The following TNIP1 variants were observed in gnomAD, a reference collection of about 807,000 sequenced individuals.
TNIP1 encodes the protein TNFAIP3-interacting protein 1.
In TNIP1, 22 loss-of-function variants were observed where a neutral mutation model predicts 86.6. The observed-to-expected ratio is 0.25, with a 90% CI of 0.18 to 0.36. TNIP1 has a LOEUF of 0.36. Ranked by LOEUF, TNIP1 falls within the 10% of genes least tolerant of loss-of-function variation. The pLI, the probability that TNIP1 is intolerant of heterozygous loss-of-function variation, is 1.00. For synonymous variants in TNIP1, 294 were observed against 313.0 expected, an observed-to-expected ratio of 0.94 and a Z score of 0.64; for missense variants, 709 against 820.6, an observed-to-expected ratio of 0.86 and a Z score of 1.66.
upstream of TNIP1, chr5:151,087,511 GTGGGGGA>G (rs1764319559): frequency 6.6e-6 from 1 of 152,280 alleles, no homozygotes; most frequent in South Asian, 2.1e-4. Context: ...TTCGCCTAAG[GTGGGGGA>G]TTCCAGTGCT....
intron 11 of TNIP1, among the ~76,000 whole-genome samples, chr5:151,040,018 C>T (rs1758218860): frequency 1.3e-5 from 2 of 152,182 alleles, no homozygotes; most frequent in Non-Finnish European, 2.9e-5. Flanking sequence ...GGGGAAGTGA[C>T]GTACCCAAGG....
intron 1 of TNIP1, among the ~76,000 whole-genome samples, chr5:151,073,582 T>TTTGTGTGTGTGTGTG (rs1554080257): frequency 2.7e-5 from 4 of 150,200 alleles, no homozygotes; most frequent in African/African-American, 9.9e-5. Flanking sequence ...CAAAAACACA[T>TTTGTGTGTGTGTGTG]TGTGTGTGTG....
intron 6 of TNIP1, among the ~76,000 whole-genome samples, chr5:151,053,628 C>A (rs536840569): frequency 6.6e-6 from 1 of 152,332 alleles, no homozygotes; most frequent in Non-Finnish European, 1.5e-5. Context: ...TGCTAGCATA[C>A]AGTGTCAGCA....
At chr5:151,042,803 G>C in intron 10 of TNIP1, 93 bp downstream of exon 10, 2 of 1,600,012 alleles carry the variant, frequency 1.2e-6, no homozygotes, top group Non-Finnish European at 1.7e-6. Flanking sequence ...CTGGGGCTCA[G>C]CGTGGCCACT....
intron 1 of TNIP1, chr5:151,078,369 C>T (rs753159657): frequency 6.6e-6 from 1 of 152,182 alleles, no homozygotes; most frequent in Non-Finnish European, 1.5e-5. Flanking sequence ...GAAGAGCCAT[C>T]CACCAGGCAC....
intron 1 of TNIP1, among the ~76,000 whole-genome samples, chr5:151,076,963 TG>T (rs1763466725): frequency 6.6e-6 from 1 of 152,228 alleles, no homozygotes; most frequent in African/African-American, 2.4e-5. Flanking sequence ...GGACACAGCA[TG>T]GACCACAAGT....
intron 13 of TNIP1, 152 bp downstream of exon 13, chr5:151,036,638 G>A (rs1357134794): frequency 1.7e-6 from 2 of 1,156,200 alleles, no homozygotes; most frequent in Non-Finnish European, 2.4e-6. Context: ...TGCTGGAAAG[G>A]ATAAACCTAG....
intron 7 of TNIP1, among the ~76,000 whole-genome samples, chr5:151,050,604 G>T (rs893819196): frequency 5.9e-5 from 9 of 152,158 alleles, no homozygotes; most frequent in African/African-American, 1.9e-4. Flanking sequence ...CATAAAATTA[G>T]TGATGTGGAT....
At chr5:151,079,594 C>T (rs1319417657) in intron 1 of TNIP1, among the ~76,000 whole-genome samples, 1 of 149,784 alleles carries the variant, frequency 6.7e-6, no homozygotes, top group Non-Finnish European at 1.5e-5. Flanking sequence ...TGCACTCCAG[C>T]CTGGGTAACA....
intron 1 of TNIP1, among the ~76,000 whole-genome samples, chr5:151,068,842 CACAAACT>C (rs1428613447): frequency 2.0e-5 from 3 of 152,238 alleles, no homozygotes; most frequent in Non-Finnish European, 4.4e-5. Context: ...GGCCTGGTTC[CACAAACT>C]ACAAATCAGC....
At chr5:151,041,452 C>T (rs1048065089) in intron 11 of TNIP1, among the ~76,000 whole-genome samples, 9 of 152,214 alleles carry the variant, frequency 5.9e-5, no homozygotes, top group African/African-American at 1.7e-4. Context: ...CTCACTGAAG[C>T]TTCCAACTCC....
chr5:151,032,495 A>G lies in TNIP1; in HGVS notation c.1780-112T>C, dbSNP rs113454093. 73 of 1,107,520 alleles carry G rather than the reference A, an allele frequency of 6.6e-5. 4 individuals carry two copies. The highest frequency in any genetic ancestry group is 3.8e-4 in the African/African-American group (24 of 63,544). 68.6% of individuals were successfully genotyped at this position (1,107,520 alleles called of 1,614,324 possible). ...ATTAGTCAAGTATAATTGAATCTTTATAACAACCCAGGCTGGCACTCCCAT... is the reference window on the plus strand; with the variant it reads ...ATTAGTCAAGTATAATTGAATCTTTGTAACAACCCAGGCTGGCACTCCCAT... On this transcript the variant is annotated intron_variant, in intron 16 of 17. Transcript: ENST00000521591.
At chr5:151,055,619 C>T (rs1741428395) in intron 6 of TNIP1, among the ~76,000 whole-genome samples, 1 of 152,232 alleles carries the variant, frequency 6.6e-6, no homozygotes, top group African/African-American at 2.4e-5. Context: ...CCTCCGTGCT[C>T]CTCTACCCCC....
intron 11 of TNIP1, among the ~76,000 whole-genome samples, chr5:151,040,981 T>C (rs990173132): frequency 1.3e-5 from 2 of 152,162 alleles, no homozygotes; most frequent in African/African-American, 4.8e-5. Flanking sequence ...CAGATACTAC[T>C]ACTTCAGGGG....
At chr5:151,061,794 T>C (rs1761604884) in intron 4 of TNIP1, among the ~76,000 whole-genome samples, 1 of 152,254 alleles carries the variant, frequency 6.6e-6, no homozygotes, top group South Asian at 2.1e-4. Flanking sequence ...AGATAGTTTC[T>C]GAGCCCTCTT....
rs765767994 is a variant in TNIP1, at chr5:151,035,696, G to A, written c.1407C>T (p.Phe469=). Residue 469 remains phenylalanine (F), a synonymous_variant, in exon 14 of 18, where the codon TTC becomes TTT. Coordinates refer to ENST00000521591, the MANE Select transcript of TNIP1 (RefSeq NM_006058.5). Reference sequence around the variant, plus strand: ...TGCGCTCCCTCTGGAAGTCCTCCTCGAAGATCTTCACCTGGTGTGGAGGGA... The same window carrying A: ...TGCGCTCCCTCTGGAAGTCCTCCTCAAAGATCTTCACCTGGTGTGGAGGGA... The part of the protein sequence containing the change: ...NELLKQQVKI[F]EEDFQRERSD... The A allele has an allele frequency of 2.2e-5, 36 of 1,613,878 alleles. No homozygotes were observed. Among genetic ancestry groups the A allele is most frequent in the Admixed American group, 1.7e-5 (1 of 60,002 alleles).
intron 12 of TNIP1, among the ~76,000 whole-genome samples, chr5:151,038,570 A>G (rs540878052): frequency 6.6e-6 from 1 of 152,224 alleles, no homozygotes; most frequent in Admixed American, 6.5e-5. Flanking sequence ...CCCACTGCAC[A>G]AGGGCGGGCC....
rs147501166 is a variant in TNIP1, at chr5:151,044,998, C to T, written c.936+863G>A. 2.4e-4 allele frequency among the ~76,000 whole-genome samples: 37 copies of T among 152,320 alleles called. No homozygotes were observed. In the East Asian group the frequency reaches 6.6e-3, roughly 27 times the overall value. Reference sequence around the variant, plus strand: ...CCACTCAGTATTCTGTGGCAGGCTTCGGCTGCTGGCTGGTCCTTTTCATTC... The same window carrying T: ...CCACTCAGTATTCTGTGGCAGGCTTTGGCTGCTGGCTGGTCCTTTTCATTC... On this transcript the variant is annotated intron_variant, in intron 9 of 17. Coordinates refer to ENST00000521591, the MANE Select transcript of TNIP1 (RefSeq NM_006058.5).
At chr5:151,066,059 C>G (rs998569927) in intron 1 of TNIP1, among the ~76,000 whole-genome samples, 1 of 152,196 alleles carries the variant, frequency 6.6e-6, no homozygotes, top group African/African-American at 2.4e-5. Context: ...AGGCACCAGT[C>G]TGGGTGCTGA....
Sources: allele counts gnomAD v4.1 joint callset (sites outside exome capture counted in the v4.1 genomes callset), GRCh38; gene constraint gnomAD v4.1.1; transcripts MANE v1.5; gene names NCBI Gene and HGNC (gene_info 2026-07-23, HGNC 2026-07-21).